DCAF7: variants seen among roughly 807,000 people sequenced by gnomAD.
DCAF7 encodes DDB1- and CUL4-associated factor 7.
Under a neutral mutation model 41.2 loss-of-function variants are expected in DCAF7, and 4 were observed. The observed-to-expected ratio is 0.10, with a 90% CI of 0.05 to 0.22. The LOEUF (loss-of-function observed/expected upper bound fraction) is 0.22, where lower values mean the gene tolerates loss of function less well. Among genes scored for constraint, DCAF7 ranks in the 10% least tolerant of loss-of-function variants. The pLI, the probability that DCAF7 is intolerant of heterozygous loss-of-function variation, is 1.00. For missense variants in DCAF7, 131 were observed against 443.2 expected, an observed-to-expected ratio of 0.30 and a Z score of 6.32; for synonymous variants, 143 against 164.2, an observed-to-expected ratio of 0.87 and a Z score of 0.99.
At chr17:63,574,655 A>G (rs1187974542) in intron 1 of DCAF7, among the ~76,000 whole-genome samples, 1 of 152,226 alleles carries the variant, frequency 6.6e-6, no homozygotes, top group Non-Finnish European at 1.5e-5. Context: ...TACAGTACCA[A>G]TGAACAATTG....
intron 4 of DCAF7, among the ~76,000 whole-genome samples, chr17:63,580,507 CTTT>C (rs530801174): frequency 3.3e-3 from 146 of 43,878 alleles, no homozygotes; most frequent in Non-Finnish European, 5.3e-3. Context: ...TTTGTGATTG[CTTT>C]TTTTTTTTTT....
intron 1 of DCAF7, among the ~76,000 whole-genome samples, chr17:63,565,183 C>T (rs1056396017): frequency 1.3e-5 from 2 of 152,148 alleles, no homozygotes; most frequent in African/African-American, 2.4e-5. Context: ...AAGAGATATC[C>T]ACAACCCAGT....
rs183600022 is a variant in DCAF7 at position 63,582,717 on chromosome 17, C to T, written c.529-785C>T. Among the ~76,000 whole-genome samples, 427 of 152,296 alleles carry T rather than the reference C, an allele frequency of 2.8e-3. 3 individuals carry two copies. The highest frequency in any genetic ancestry group is 9.4e-3 in the African/African-American group (391 of 41,556). ...ATCTCTTGACCTTGTGATCCGCCCG[C>T]CTCAGCCTCCCAAAGTGCTGGGATT... On this transcript the variant is annotated intron_variant, in intron 4 of 6. Transcript: ENST00000614556.
intron 1 of DCAF7, among the ~76,000 whole-genome samples, chr17:63,566,523 T>G (rs2033443941): frequency 6.6e-6 from 1 of 152,084 alleles, no homozygotes; most frequent in Admixed American, 6.6e-5. Context: ...AACAACTGAA[T>G]AGTTAAATAA....
At chr17:63,551,889 T>TAA (rs1568095444) in intron 1 of DCAF7, among the ~76,000 whole-genome samples, 21 of 11,964 alleles carry the variant, frequency 1.8e-3, no homozygotes, top group Admixed American at 0.01. Flanking sequence ...TCTACTAAAA[T>TAA]ACAAAAAAAA....
chr17:63,554,932 A>G (rs1459857134), intron 1 of DCAF7, among the ~76,000 whole-genome samples: 2 of 152,164 alleles, frequency 1.3e-5, no homozygotes, highest in Non-Finnish European at 2.9e-5. Context: ...CTCTGGGGGG[A>G]AAATTCCCTT....
In DCAF7 at chr17:63,550,921, A is replaced by G. The variant is rs1361673016; in HGVS notation, c.138+106A>G. 4.1e-6 allele frequency: 6 copies of G among 1,478,450 alleles called. No individual in the cohort carries two copies. In the Admixed American group the frequency reaches 6.9e-5, roughly 17 times the overall value. The allele number at this position is 1,478,450 out of a possible 1,614,324, so 91.6% of individuals were successfully genotyped here. A position where few individuals can be genotyped will look rare whatever the true frequency, so the allele number is the denominator to read the frequency against. Reference sequence around the variant, plus strand: ...CAGAACCCTCTTGCGGACTCGCCCTAGGGCCACGGAGCGGTTCCTCTGTCT... The same window carrying G: ...CAGAACCCTCTTGCGGACTCGCCCTGGGGCCACGGAGCGGTTCCTCTGTCT... On this transcript the variant is annotated intron_variant, in intron 1 of 6. Transcript: ENST00000614556. The surrounding 1 kb of genome is among the most constrained non-coding windows in gnomAD (Gnocchi z 4.8).
At position 63,591,969 on chromosome 17, in the gene DCAF7, G is replaced by A. The variant is rs2033737766; in HGVS notation, c.*2797G>A. On this transcript the variant is annotated 3_prime_UTR_variant, in exon 7 of 7. Transcript: ENST00000614556. ...GAGGTGCTGAATAAATTAGGCCTCA[G>A]GCCTCTACCACCAGAGAGCTGGAGA... 2 of 152,470 alleles carry A rather than the reference G, an allele frequency of 1.3e-5. No homozygotes were observed. The highest frequency in any genetic ancestry group is 1.3e-4 in the Admixed American group (2 of 15,312). The allele number at this position is 152,470 out of a possible 1,614,324, so 9.4% of individuals were successfully genotyped here. A position where few individuals can be genotyped will look rare whatever the true frequency, so the allele number is the denominator to read the frequency against.
chr17:63,576,523 CAG>C (rs1379914479), intron 1 of DCAF7, among the ~76,000 whole-genome samples: 1 of 152,152 alleles, frequency 6.6e-6, no homozygotes. Context: ...TGAAATGACT[CAG>C]AGACCTAAAT....
In DCAF7 at chr17:63,579,465, G is replaced by C. The variant is rs955141898; in HGVS notation, c.409+17G>C. 2 of 1,566,270 alleles carry C rather than the reference G, an allele frequency of 1.3e-6. No homozygotes were observed. The highest frequency in any genetic ancestry group is 1.8e-5 in the Admixed American group (1 of 54,906). On this transcript the variant is annotated intron_variant, in intron 3 of 6. Transcript: ENST00000614556. ...ATCTTTTAGGTAAGGGAGTTAGGGA[G>C]TATGTATTTCAGCTGGAAGAAGCCA...
intron 1 of DCAF7, among the ~76,000 whole-genome samples, chr17:63,554,864 A>G (rs1277034953): frequency 6.6e-6 from 1 of 152,070 alleles, no homozygotes; most frequent in Non-Finnish European, 1.5e-5. Context: ...GGATTCAGGA[A>G]TAAGAGGTCA....
intron 4 of DCAF7, 86 bp from the exon 5 acceptor site, chr17:63,583,416 G>C (rs2033644831): frequency 2.5e-6 from 3 of 1,217,412 alleles, no homozygotes; most frequent in Admixed American, 2.0e-5. Context: ...GCGAGGTTTA[G>C]ATGAACTGGA....
chr17:63,571,626 C>A (rs967717996), intron 1 of DCAF7, among the ~76,000 whole-genome samples: 2 of 151,680 alleles, frequency 1.3e-5, no homozygotes, highest in African/African-American at 4.8e-5. Flanking sequence ...ATTTCATGAG[C>A]CTTTTCTGAA....
chr17:63,561,386 A>G (rs2033378872), intron 1 of DCAF7, among the ~76,000 whole-genome samples: 1 of 152,168 alleles, frequency 6.6e-6, no homozygotes, highest in African/African-American at 2.4e-5. Context: ...AATTTGGTTC[A>G]TATGTTGGAA....
At chr17:63,579,994 G>T (rs113553586) in intron 4 of DCAF7, 51 bp downstream of exon 4, 2 of 1,412,512 alleles carry the variant, frequency 1.4e-6, no homozygotes, top group African/African-American at 1.4e-5. Context: ...TGTGCCTTCC[G>T]CACAGGAAGA....
intron 1 of DCAF7, among the ~76,000 whole-genome samples, chr17:63,551,310 C>CCG (rs1314119214): frequency 1.4e-5 from 2 of 147,120 alleles, no homozygotes; most frequent in Non-Finnish European, 3.0e-5. Flanking sequence ...TACTCCCACC[C>CCG]CCCCCGGGTA....
chr17:63,560,866 C>T (rs1237928595), intron 1 of DCAF7, among the ~76,000 whole-genome samples: 3 of 152,200 alleles, frequency 2.0e-5, no homozygotes, highest in Admixed American at 6.5e-5. Context: ...GAGAAGAAGT[C>T]AGGCATGATA....
At chr17:63,582,352 G>A (rs1371562432) in intron 4 of DCAF7, among the ~76,000 whole-genome samples, 2 of 152,116 alleles carry the variant, frequency 1.3e-5, no homozygotes, top group South Asian at 2.1e-4. Context: ...AATTCTAGTC[G>A]TGTCTCCCCA....
chr17:63,552,677 T>TC (rs1297478699), intron 1 of DCAF7: 1 of 152,236 alleles, frequency 6.6e-6, no homozygotes, highest in Admixed American at 6.5e-5. Context: ...TGTAAGTTTT[T>TC]CCAGGGTCGT....
Sources: gnomAD v4.1 joint callset for allele counts (sites outside exome capture counted in the v4.1 genomes callset) on GRCh38, gnomAD v4.1.1 for gene constraint, Gnocchi (gnomAD v3.1) non-coding constraint, MANE v1.5 for transcripts, NCBI Gene and HGNC (gene_info 2026-07-23, HGNC 2026-07-21) for gene names.